Variants in AUTS2 observed in about 807,000 individuals in gnomAD.
AUTS2 encodes autism susceptibility gene 2 protein.
AUTS2 carries 17 observed loss-of-function variants against 112.4 expected under a neutral mutation model. That is an observed-to-expected ratio of 0.15 (90% confidence interval 0.10 to 0.23). The LOEUF is 0.23. AUTS2 is among the 10% of genes least tolerant of loss of function. AUTS2 has a pLI of 1.00. For missense variants in AUTS2, 1,510 were observed against 1,701.6 expected (o/e 0.89, Z 1.98); for synonymous variants, 751 against 702.7 (o/e 1.07, Z -1.09).
Position 70,078,384 on chromosome 7 carries a change from G to T in AUTS2, c.523-39748G>T, listed in dbSNP as rs554766586. Among the ~76,000 whole-genome samples the T allele has an allele frequency of 2.6e-5, 4 of 152,260 alleles. No individual in the cohort carries two copies. In the East Asian group the frequency reaches 7.7e-4, roughly 29 times the overall value. On this transcript the variant is annotated intron_variant, in intron 2 of 18. Transcript: ENST00000342771. ...CTCAAAATACTGCCTAATTTAAAAT[G>T]TATTGACGAATTGTTTATTTCTGGA...
At chr7:70,081,965 T>TGTGTGTGTGTGTGC (rs1018968486) in intron 2 of AUTS2, among the ~76,000 whole-genome samples, 5 of 128,016 alleles carry the variant, frequency 3.9e-5, no homozygotes, top group African/African-American at 1.4e-4. Flanking sequence ...TGTGTGTGTG[T>TGTGTGTGTGTGTGC]GCGCGCGCCT....
chr7:69,714,562 A>G (rs1002603474), intron 1 of AUTS2, among the ~76,000 whole-genome samples: 3 of 152,072 alleles, frequency 2.0e-5, no homozygotes, highest in Non-Finnish European at 4.4e-5. Context: ...TCCATTGGTC[A>G]GTGTGTCTGT....
At chr7:70,307,491 G>A (rs1789542023) in intron 4 of AUTS2, among the ~76,000 whole-genome samples, 1 of 152,166 alleles carries the variant, frequency 6.6e-6, no homozygotes, top group African/African-American at 2.4e-5. Flanking sequence ...GGCCATTTTT[G>A]GAAATTATAG....
intron 5 of AUTS2, among the ~76,000 whole-genome samples, chr7:70,445,552 C>A (rs1461795705): frequency 1.3e-5 from 2 of 152,072 alleles, no homozygotes; most frequent in African/African-American, 4.8e-5. Context: ...TGAAGTGGGA[C>A]TTTTTTCTTA....
intron 4 of AUTS2, among the ~76,000 whole-genome samples, chr7:70,170,710 C>A (rs547651353): frequency 1.3e-5 from 2 of 150,956 alleles, no homozygotes; most frequent in African/African-American, 4.9e-5. Context: ...CGGGTTCAAG[C>A]GATTCTCCTA....
chr7:69,978,855 AAAC>A (rs1798164842), intron 2 of AUTS2, among the ~76,000 whole-genome samples: 1 of 98,598 alleles, frequency 1.0e-5, no homozygotes, highest in Non-Finnish European at 2.0e-5. Context: ...TGTCTCAAAG[AAAC>A]AACACACACA....
intron 1 of AUTS2, among the ~76,000 whole-genome samples, chr7:69,608,395 A>G (rs376382631): frequency 2.0e-5 from 3 of 152,186 alleles, no homozygotes; most frequent in Non-Finnish European, 4.4e-5. Flanking sequence ...AAGTTTTTGT[A>G]AAGTTTCTGA....
chr7:69,935,155 A>G (rs1373349046), intron 2 of AUTS2, among the ~76,000 whole-genome samples: 5 of 144,482 alleles, frequency 3.5e-5, no homozygotes, highest in Non-Finnish European at 7.5e-5. Flanking sequence ...CTTAATAGCT[A>G]TGTGTATAAA....
intron 1 of AUTS2, among the ~76,000 whole-genome samples, chr7:69,847,818 C>G (rs757961399): frequency 9.9e-5 from 15 of 152,166 alleles, no homozygotes; most frequent in Non-Finnish European, 1.5e-4. Flanking sequence ...CTTGCAGAGG[C>G]CTGACCTGGC....
At chr7:70,494,581 C>T (rs879879289) in intron 5 of AUTS2, among the ~76,000 whole-genome samples, 4 of 152,216 alleles carry the variant, frequency 2.6e-5, no homozygotes, top group South Asian at 2.1e-4. Flanking sequence ...GCCCCTCCCC[C>T]CCGACACTCA....
chr7:70,719,346 G>C (rs1054565769), intron 6 of AUTS2, among the ~76,000 whole-genome samples: 5 of 152,168 alleles, frequency 3.3e-5, no homozygotes, highest in Non-Finnish European at 7.3e-5. Context: ...AGGGTTGCCT[G>C]GTTGTCAAGG....
intron 2 of AUTS2, among the ~76,000 whole-genome samples, chr7:70,019,654 A>C (rs979512741): frequency 6.6e-6 from 1 of 152,150 alleles, no homozygotes; most frequent in Non-Finnish European, 1.5e-5. Flanking sequence ...ATTTTACTTA[A>C]CAGCTCTCTG....
At chr7:69,618,246 T>C (rs1369355303) in intron 1 of AUTS2, among the ~76,000 whole-genome samples, 1 of 152,182 alleles carries the variant, frequency 6.6e-6, no homozygotes. Context: ...CTCGCCTCCA[T>C]TTTAAGATGG....
At chr7:70,464,743 T>C (rs926222119) in intron 5 of AUTS2, among the ~76,000 whole-genome samples, 8 of 152,234 alleles carry the variant, frequency 5.3e-5, no homozygotes, top group Non-Finnish European at 8.8e-5. Flanking sequence ...AGTGCATTTC[T>C]GGTTAACTGG....
chr7:70,547,739 G>T, intron 5 of AUTS2, among the ~76,000 whole-genome samples: 1 of 151,960 alleles, frequency 6.6e-6, no homozygotes. Flanking sequence ...CTACTTTTTT[G>T]GCTATTATTA....
intron 2 of AUTS2, among the ~76,000 whole-genome samples, chr7:70,105,375 T>C (rs1270742733): frequency 6.6e-6 from 1 of 152,184 alleles, no homozygotes; most frequent in Non-Finnish European, 1.5e-5. Context: ...TCCTCGTGCC[T>C]CAGTCTCCTG....
chr7:70,428,207 A>C (rs1795509978), intron 4 of AUTS2, among the ~76,000 whole-genome samples: 1 of 152,188 alleles, frequency 6.6e-6, no homozygotes, highest in African/African-American at 2.4e-5. Flanking sequence ...AGTAGCTTTA[A>C]ATTTCACTTA....
At chr7:69,927,587 G>A (rs1318509835) in intron 2 of AUTS2, among the ~76,000 whole-genome samples, 2 of 152,206 alleles carry the variant, frequency 1.3e-5, no homozygotes, top group African/African-American at 4.8e-5. Flanking sequence ...CTGCCCGACA[G>A]GCTGCGCTCA....
At chr7:70,006,886 G>A (rs562770869) in intron 2 of AUTS2, among the ~76,000 whole-genome samples, 1 of 152,136 alleles carries the variant, frequency 6.6e-6, no homozygotes, top group Non-Finnish European at 1.5e-5. Flanking sequence ...AGGAAGTTGT[G>A]GGGAGTACCT....
Sources: allele counts gnomAD v4.1 joint callset (sites outside exome capture counted in the v4.1 genomes callset), GRCh38; gene constraint gnomAD v4.1.1; transcripts MANE v1.5; gene names NCBI Gene and HGNC (gene_info 2026-07-23, HGNC 2026-07-21).